LAMA5: variants seen among roughly 807,000 people sequenced by gnomAD.
LAMA5 encodes the protein laminin subunit alpha 5, also known as laminin subunit alpha-5.
LAMA5 carries 260 observed loss-of-function variants against 433.4 expected under a neutral mutation model. That is an observed-to-expected ratio of 0.60 (90% CI 0.54 to 0.66). LAMA5 has a LOEUF of 0.66. Among genes scored for constraint, LAMA5 ranks in the 30% least tolerant of loss-of-function variants. The probability of loss-of-function intolerance (pLI) is 0.00; values close to 1 mark genes in which losing one functional copy is unlikely to be tolerated. For missense variants in LAMA5, 5,378 were observed against 5,258.5 expected (o/e 1.02, Z -0.70); for synonymous variants, 2,620 against 2,226.6 (o/e 1.18, Z -4.97).
intron 11 of LAMA5, 34 bp from the exon 12 acceptor site, chr20:62,338,642 T>G (rs1182582111): frequency 1.9e-6 from 3 of 1,589,900 alleles, no homozygotes; most frequent in Non-Finnish European, 2.6e-6. Context: ...GAGTCTCAGA[T>G]GCCCTGCAGA....
intron 3 of LAMA5, 27 bp downstream of exon 3, chr20:62,353,107 C>T: frequency 6.6e-7 from 1 of 1,521,786 alleles, no homozygotes; most frequent in Non-Finnish European, 8.9e-7. Context: ...GCCTCTCCCC[C>T]CAGGCCCCAC....
intron 3 of LAMA5, 25 bp downstream of exon 3, chr20:62,353,109 A>T: frequency 6.6e-7 from 1 of 1,513,916 alleles, no homozygotes; most frequent in Non-Finnish European, 9.0e-7. Flanking sequence ...CTCTCCCCCC[A>T]GGCCCCACGG....
chr20:62,364,163 C>G (rs553453511), intron 1 of LAMA5, among the ~76,000 whole-genome samples: 1 of 152,340 alleles, frequency 6.6e-6, no homozygotes, highest in Admixed American at 6.5e-5. Flanking sequence ...CGCCACGACC[C>G]CTACCCGCAG....
rs778493092 is a variant in LAMA5 at position 62,330,575 on chromosome 20, G to A, written c.3892C>T (p.Arg1298Cys). 1.1e-5 allele frequency: 17 copies of A among 1,592,780 alleles called. No homozygotes were observed. The highest frequency in any genetic ancestry group is 8.0e-5 in the African/African-American group (6 of 74,810). The change falls in exon 31 of 80, where the codon CGC (arginine) becomes TGC (cysteine). Residue 1298 changes from arginine to cysteine, a missense_variant. By Grantham distance (180) the Arg-to-Cys change is radical. Transcript: ENST00000252999. ...TAGCCGTGCAGCAGGAAGGCATAGC[G>A]GCCCAGCGTGGGCACATGGGTGGTG... is the stretch of plus-strand genomic sequence containing the variant. ...VFTTHVPTLG[R>C]YAFLLHGYQP...
At chr20:62,362,321 C>A in intron 2 of LAMA5, 79 bp downstream of exon 2, 1 of 1,332,660 alleles carries the variant, frequency 7.5e-7, no homozygotes, top group Non-Finnish European at 9.7e-7. Context: ...ACCTCGCCTT[C>A]TGGTCCTGTG....
chr20:62,346,059 G>A, intron 10 of LAMA5, 22 bp downstream of exon 10: 4 of 1,611,874 alleles, frequency 2.5e-6, no homozygotes, highest in Non-Finnish European at 3.4e-6. Context: ...TGTCTGTTTG[G>A]ATGCCCCTGG....
intron 6 of LAMA5, among the ~76,000 whole-genome samples, chr20:62,349,149 T>C (rs1045543221): frequency 1.3e-5 from 2 of 151,442 alleles, no homozygotes; most frequent in Non-Finnish European, 2.9e-5. Flanking sequence ...TGGGTGCCTG[T>C]AGTCCCAGCT....
At chr20:62,313,279 GAGGGT>G (rs1568896226) in intron 64 of LAMA5, 29 bp from the exon 65 acceptor site, 6 of 1,539,586 alleles carry the variant, frequency 3.9e-6, no homozygotes, top group East Asian at 4.9e-5. Context: ...GGGGTCAGCG[GAGGGT>G]GGGGTGGGGT....
chr20:62,345,703 A>C, intron 11 of LAMA5, 115 bp downstream of exon 11: 1 of 754,326 alleles, frequency 1.3e-6, no homozygotes, highest in Non-Finnish European at 2.2e-6. Flanking sequence ...AAAAAGAAAT[A>C]AGCCAAAAAT....
At chr20:62,366,121 G>T (rs953153596) in intron 1 of LAMA5, among the ~76,000 whole-genome samples, 1 of 152,228 alleles carries the variant, frequency 6.6e-6, no homozygotes, top group Admixed American at 6.5e-5. Context: ...GGTGGGGAAT[G>T]GGCCTAGAGC....
intron 34 of LAMA5, 23 bp downstream of exon 34, chr20:62,328,821 C>T (rs760649971): frequency 1.0e-5 from 16 of 1,603,842 alleles, no homozygotes; most frequent in African/African-American, 2.7e-5. Flanking sequence ...TGCCACTGGG[C>T]GCCCAAGGAC....
In LAMA5 at chr20:62,322,469, C is replaced by T. The variant is rs1274099976; in HGVS notation, c.6166-20G>A. 1 of 1,560,036 alleles carries T rather than the reference C, an allele frequency of 6.4e-7. No homozygotes were observed. The highest frequency in any genetic ancestry group is 1.4e-5 in the African/African-American group (1 of 73,698). On this transcript the variant is annotated intron_variant, in intron 46 of 79. Transcript: ENST00000252999. Reference sequence around the variant, plus strand: ...TCCCTCCTGTGGCACAGGCTGGTCACTGCCCTGCCCAGCCCTCAAGACTGT... The same window carrying T: ...TCCCTCCTGTGGCACAGGCTGGTCATTGCCCTGCCCAGCCCTCAAGACTGT...
chr20:62,320,481 T>A, intron 50 of LAMA5, 78 bp downstream of exon 50: 4 of 1,095,266 alleles, frequency 3.7e-6, no homozygotes, highest in Non-Finnish European at 5.3e-6. Flanking sequence ...AAGTAACATC[T>A]GCTGAATGAG....
At position 62,318,815 on chromosome 20, in the gene LAMA5, C is replaced by T. The variant is rs200712238; in HGVS notation, c.7042+28G>A. On this transcript the variant is annotated intron_variant, in intron 52 of 79. Coordinates refer to ENST00000252999, the MANE Select transcript of LAMA5 (RefSeq NM_005560.6). The stretch of plus-strand genomic sequence containing the variant: ...CTCCCAGGTCCCTGCCTCTCCCCAC[C>T]CCGCCTGCCAGGGACAACACCACTC... 4.5e-4 allele frequency: 728 copies of T among 1,607,206 alleles called. 5 individuals are homozygous for T. The African/African-American group carries it at 7.6e-3, about 17-fold the overall frequency.
intron 31 of LAMA5, 56 bp from the exon 32 acceptor site, chr20:62,329,972 C>G (rs1980050951): frequency 1.3e-6 from 2 of 1,584,684 alleles, no homozygotes; most frequent in African/African-American, 2.7e-5. Flanking sequence ...CCCAAGACAC[C>G]CAGAGGGTTG....
chr20:62,343,592 A>T (rs1042352527), intron 11 of LAMA5, among the ~76,000 whole-genome samples: 2 of 152,054 alleles, frequency 1.3e-5, no homozygotes, highest in African/African-American at 4.8e-5. Flanking sequence ...CCTGACCAAC[A>T]TGGAGAAACC....
At chr20:62,323,896 G>A in intron 43 of LAMA5, 40 bp from the exon 44 acceptor site, 1 of 1,561,828 alleles carries the variant, frequency 6.4e-7, no homozygotes, top group Non-Finnish European at 8.7e-7. Context: ...GCCCCTGGCA[G>A]TGCCCGGGCC....
At position 62,312,270 on chromosome 20, in the gene LAMA5, G is replaced by C; in HGVS notation, c.9407C>G (p.Ala3136Gly). ...TFHGHGFLRL[A>G]LSNVAPLTGN... is the part of the protein sequence containing the mutation. ...AGTGAGCGGTGCCACGTTCGAGAGC[G>C]CCAGGCGAAGGAAGCCGTGGCCATG... is the stretch of plus-strand genomic sequence containing the variant. Residue 3136 changes from alanine to glycine, a missense_variant, in exon 69 of 80, where the codon GCG becomes GGG. Physicochemically the swap from Ala to Gly is moderately conservative, Grantham distance 60. Coordinates refer to ENST00000252999, the MANE Select transcript of LAMA5 (RefSeq NM_005560.6). 1 of 1,611,104 alleles carries C rather than the reference G, an allele frequency of 6.2e-7. No individual in the cohort carries two copies. The highest frequency in any genetic ancestry group is 1.3e-5 in the African/African-American group (1 of 75,032).
In LAMA5 at chr20:62,326,722, G is replaced by A; in HGVS notation, c.5253C>T (p.Tyr1751=). The change falls in exon 40 of 80, where the codon TAC becomes TAT. Residue 1751 remains tyrosine (Y), a synonymous_variant. Coordinates refer to ENST00000252999, the MANE Select transcript of LAMA5 (RefSeq NM_005560.6). ...CACGGTGAACGTGGCCAGGCGTGGG[G>A]TATGCCGGCTCCAGGAATGTGATGC... ...QMSITFLEPA[Y]PTPGHVHRGQ... is the part of the protein sequence containing the mutation. The A allele has an allele frequency of 6.2e-7, 1 of 1,612,964 alleles. No homozygotes were observed. Among genetic ancestry groups the A allele is most frequent in the Non-Finnish European group, 8.5e-7 (1 of 1,179,884 alleles).
Sources: gnomAD v4.1 joint callset for allele counts (sites outside exome capture counted in the v4.1 genomes callset) on GRCh38, gnomAD v4.1.1 for gene constraint, MANE v1.5 for transcripts, NCBI Gene and HGNC (gene_info 2026-07-23, HGNC 2026-07-21) for gene names.